PXDNL: variants seen among roughly 807,000 people sequenced by gnomAD.
PXDNL encodes the protein peroxidasin like.
In PXDNL, 145 loss-of-function variants were observed where a neutral mutation model predicts 150.8. The observed-to-expected ratio is 0.96, with a 90% CI of 0.84 to 1.10. PXDNL has a LOEUF of 1.10. Among genes scored for constraint, PXDNL ranks in the 50% least tolerant of loss-of-function variants. PXDNL has a pLI of 0.00. For missense variants in PXDNL, 2,087 were observed against 1,873.9 expected (o/e 1.11, Z -2.10); for synonymous variants, 757 against 725.7 (o/e 1.04, Z -0.69).
At chr8:51,513,213 C>A (rs867928816) in intron 4 of PXDNL, among the ~76,000 whole-genome samples, 11 of 152,212 alleles carry the variant, frequency 7.2e-5, no homozygotes, top group African/African-American at 2.2e-4. Context: ...CTGATGCCCA[C>A]AGGTGAGGCT....
intron 17 of PXDNL, among the ~76,000 whole-genome samples, chr8:51,403,101 A>G (rs1808315507): frequency 1.3e-5 from 2 of 150,788 alleles, no homozygotes; most frequent in Admixed American, 6.6e-5. Flanking sequence ...AAAAAAAAAA[A>G]AAGAAAAAGA....
chr8:51,464,979 A>C (rs907180743), intron 8 of PXDNL, among the ~76,000 whole-genome samples: 10 of 152,194 alleles, frequency 6.6e-5, no homozygotes, highest in African/African-American at 2.2e-4. Context: ...CTGACATACA[A>C]AGAAGAGCTT....
intron 1 of PXDNL, among the ~76,000 whole-genome samples, chr8:51,804,653 A>G (rs1585763770): frequency 6.6e-6 from 1 of 152,146 alleles, no homozygotes; most frequent in South Asian, 2.1e-4. Flanking sequence ...GCTACTCCCC[A>G]CAAAGCTACT....
chr8:51,604,130 C>T (rs1312806179), intron 2 of PXDNL, among the ~76,000 whole-genome samples: 1 of 151,984 alleles, frequency 6.6e-6, no homozygotes, highest in Non-Finnish European at 1.5e-5. Context: ...ACCATTTGAC[C>T]CAGCCATCCC....
At chr8:51,756,393 G>GAA (rs199827186) in intron 1 of PXDNL, among the ~76,000 whole-genome samples, 37 of 88,724 alleles carry the variant, frequency 4.2e-4, no homozygotes, top group South Asian at 6.7e-4. Context: ...CCCCATCACA[G>GAA]AAAAAAAAAA....
At chr8:51,426,125 G>A (rs1809093501) in intron 13 of PXDNL, among the ~76,000 whole-genome samples, 2 of 152,168 alleles carry the variant, frequency 1.3e-5, no homozygotes, top group Non-Finnish European at 2.9e-5. Flanking sequence ...TAAAACAGAA[G>A]AAGCAGTTAT....
chr8:51,339,015 G>T (rs187832876), intron 21 of PXDNL, among the ~76,000 whole-genome samples: 7 of 152,314 alleles, frequency 4.6e-5, no homozygotes, highest in Admixed American at 6.5e-5. Context: ...TCAGAAAAGT[G>T]CTGGTGAGGC....
chr8:51,330,766 C>T (rs770217013), intron 21 of PXDNL, among the ~76,000 whole-genome samples: 4 of 152,144 alleles, frequency 2.6e-5, no homozygotes, highest in African/African-American at 4.8e-5. Context: ...GCAAAATAAT[C>T]AATTCACCCC....
At chr8:51,711,437 C>T (rs532609619) in intron 1 of PXDNL, among the ~76,000 whole-genome samples, 78 of 152,154 alleles carry the variant, frequency 5.1e-4, no homozygotes, top group Non-Finnish European at 1.0e-3. Flanking sequence ...CGGACCCAGC[C>T]GAAATTATCT....
At chr8:51,525,044 G>A (rs962675435) in intron 4 of PXDNL, among the ~76,000 whole-genome samples, 2 of 151,930 alleles carry the variant, frequency 1.3e-5, no homozygotes, top group Non-Finnish European at 2.9e-5. Flanking sequence ...CTAACAGGAA[G>A]GAAGAACAAT....
At chr8:51,698,950 G>C (rs1382473383) in intron 1 of PXDNL, among the ~76,000 whole-genome samples, 1 of 152,270 alleles carries the variant, frequency 6.6e-6, no homozygotes, top group East Asian at 1.9e-4. Context: ...CTGGGCAGTA[G>C]GTCTCAGCAG....
At chr8:51,543,595 C>G (rs1585566391) in intron 4 of PXDNL, among the ~76,000 whole-genome samples, 1 of 151,258 alleles carries the variant, frequency 6.6e-6, no homozygotes, top group Admixed American at 6.6e-5. Flanking sequence ...ACCTGTAATC[C>G]CAGATACTTG....
intron 1 of PXDNL, among the ~76,000 whole-genome samples, chr8:51,723,279 C>G (rs188984137): frequency 2.0e-5 from 3 of 152,084 alleles, no homozygotes; most frequent in Non-Finnish European, 1.5e-5. Flanking sequence ...AAAGGAAACA[C>G]AAATTGAGAG....
At chr8:51,496,100 T>A (rs1480644824) in intron 5 of PXDNL, among the ~76,000 whole-genome samples, 1 of 152,178 alleles carries the variant, frequency 6.6e-6, no homozygotes, top group Non-Finnish European at 1.5e-5. Context: ...GTGGGCTTCA[T>A]CCCTGGGATG....
chr8:51,376,450 T>C (rs1039149694), intron 17 of PXDNL, among the ~76,000 whole-genome samples: 11 of 152,228 alleles, frequency 7.2e-5, no homozygotes, highest in African/African-American at 2.7e-4. Flanking sequence ...CTGGTTTGAA[T>C]GTTGTGTTAT....
intron 1 of PXDNL, among the ~76,000 whole-genome samples, chr8:51,802,089 G>A (rs1240247026): frequency 1.3e-5 from 2 of 151,940 alleles, no homozygotes; most frequent in African/African-American, 2.4e-5. Flanking sequence ...GTTAAATGAG[G>A]GCTTTTAGTT....
At chr8:51,669,348 T>C (rs1815453388) in intron 1 of PXDNL, among the ~76,000 whole-genome samples, 1 of 152,356 alleles carries the variant, frequency 6.6e-6, no homozygotes, top group South Asian at 2.1e-4. Context: ...ACTTCTGTTA[T>C]GACCTACTTT....
chr8:51,588,827 A>C (rs747829719), intron 3 of PXDNL, among the ~76,000 whole-genome samples: 1 of 152,220 alleles, frequency 6.6e-6, no homozygotes. Flanking sequence ...AATGAGGAGC[A>C]GGCTTTGCAC....
intron 1 of PXDNL, among the ~76,000 whole-genome samples, chr8:51,786,357 C>T (rs557804225): frequency 2.3e-4 from 35 of 152,182 alleles, no homozygotes; most frequent in Admixed American, 1.3e-3. Flanking sequence ...TACAGGCGCC[C>T]GCCACCACCC....
Sources: gnomAD v4.1 joint callset for allele counts (sites outside exome capture counted in the v4.1 genomes callset) on GRCh38, gnomAD v4.1.1 for gene constraint, MANE v1.5 for transcripts, NCBI Gene and HGNC (gene_info 2026-07-23, HGNC 2026-07-21) for gene names.